SLC13A3: variants seen among roughly 807,000 people sequenced by gnomAD.
SLC13A3 encodes solute carrier family 13 member 3, also known as Na(+)/dicarboxylate cotransporter 3.
Under a neutral mutation model 59.0 loss-of-function variants are expected in SLC13A3, and 40 were observed. The ratio of observed to expected loss-of-function variants is 0.68; its 90% confidence interval spans 0.53 to 0.88. The LOEUF is 0.88. Among genes scored for constraint, SLC13A3 ranks in the 40% least tolerant of loss-of-function variants. SLC13A3 has a pLI of 0.00. For synonymous variants in SLC13A3, 317 were observed against 330.3 expected, an observed-to-expected ratio of 0.96 and a Z score of 0.44; for missense variants, 699 against 783.2, an observed-to-expected ratio of 0.89 and a Z score of 1.28.
chr20:46,661,870 T>C (rs544401741), intron 1 of SLC13A3, among the ~76,000 whole-genome samples: 4 of 152,328 alleles, frequency 2.6e-5, no homozygotes, highest in East Asian at 1.9e-4. Context: ...GAGTGTCTTA[T>C]ACTTAAGAGA....
chr20:46,648,583 T>C (rs975459805), intron 1 of SLC13A3, among the ~76,000 whole-genome samples: 2 of 152,004 alleles, frequency 1.3e-5, no homozygotes, highest in African/African-American at 4.8e-5. Flanking sequence ...GTGGTTTGTA[T>C]TGAATTATAA....
At chr20:46,683,297 A>C (rs999142409) in intron 1 of SLC13A3, among the ~76,000 whole-genome samples, 1 of 152,246 alleles carries the variant, frequency 6.6e-6, no homozygotes, top group African/African-American at 2.4e-5. Flanking sequence ...TAGATAAGGA[A>C]GCTGGAAGCT....
intron 1 of SLC13A3, among the ~76,000 whole-genome samples, chr20:46,641,253 G>C (rs1207236055): frequency 6.6e-6 from 1 of 152,172 alleles, no homozygotes; most frequent in East Asian, 1.9e-4. Context: ...ATCAGAACTT[G>C]TGTTCAAATC....
Position 46,559,251 on chromosome 20 carries a change from C to G in SLC13A3, c.*771G>C, listed in dbSNP as rs1450644197. 6.6e-6 allele frequency: 1 copy of G among 152,190 alleles called. No individual in the cohort carries two copies. Among genetic ancestry groups the G allele is most frequent in the Non-Finnish European group, 1.5e-5 (1 of 68,100 alleles). 9.4% of individuals were successfully genotyped at this position (152,190 alleles called of 1,614,324 possible). ...GGTCATGAGTCACCCCATGGGAGGG[C>G]AGGACCCAGGCCTGGCCTGACCCCA... On this transcript the variant is annotated 3_prime_UTR_variant, in exon 13 of 13. Coordinates refer to ENST00000279027, the MANE Select transcript of SLC13A3 (RefSeq NM_022829.6).
At chr20:46,655,004 C>T (rs1010071623), upstream of SLC13A3, among the ~76,000 whole-genome samples, 5 of 152,166 alleles carry the variant, frequency 3.3e-5, no homozygotes, top group African/African-American at 1.2e-4. Context: ...TTCTGGCCTC[C>T]ATGGTCTCTG....
At chr20:46,571,038 A>C (rs769333143) in intron 10 of SLC13A3, among the ~76,000 whole-genome samples, 20 of 152,202 alleles carry the variant, frequency 1.3e-4, no homozygotes, top group Admixed American at 7.9e-4. Context: ...AGTGGAAGCA[A>C]ACACGTCCTT....
chr20:46,589,246 C>T lies in SLC13A3; in HGVS notation c.930G>A (p.Arg310=). 6.2e-7 allele frequency: 1 copy of T among 1,614,150 alleles called. No individual in the cohort carries two copies. The highest frequency in any genetic ancestry group is 8.5e-7 in the Non-Finnish European group (1 of 1,179,986). ...TGGTTCTTATCTCAGATTTATTCTT[C>T]CTCCAGCCCCTGAAACAGAAAGTGG... is the stretch of plus-strand genomic sequence containing the variant. ...LYGGLSFRGW[R]KNKSEIRTNA... Residue 310 remains arginine, a synonymous_variant, in exon 7 of 13, where the codon AGG becomes AGA. Coordinates refer to ENST00000279027, the MANE Select transcript of SLC13A3 (RefSeq NM_022829.6).
intron 3 of SLC13A3, chr20:46,600,502 T>C (rs2062369705): frequency 3.5e-6 from 1 of 286,454 alleles, no homozygotes; most frequent in Non-Finnish European, 8.0e-6. Context: ...TGTCCTACCA[T>C]CCATATGTGA....
intron 9 of SLC13A3, among the ~76,000 whole-genome samples, chr20:46,577,511 C>T (rs371644176): frequency 6.6e-6 from 1 of 151,870 alleles, no homozygotes; most frequent in Non-Finnish European, 1.5e-5. Context: ...ACTTGCCCCA[C>T]GCAGCAGGTA....
At chr20:46,604,109 C>T (rs915127809) in intron 3 of SLC13A3, among the ~76,000 whole-genome samples, 15 of 152,114 alleles carry the variant, frequency 9.9e-5, no homozygotes, top group African/African-American at 3.6e-4. Context: ...GATTCTGACA[C>T]TCAGAGCCTG....
At chr20:46,608,476 A>C (rs2694897) in intron 3 of SLC13A3, among the ~76,000 whole-genome samples, 109,917 of 152,174 alleles carry the variant, frequency 0.72, 41,147 homozygotes, top group African/African-American at 0.92. Flanking sequence ...GCTTCTCTTC[A>C]CTTCCTCGTG....
At chr20:46,578,554 T>C (rs2062101737) in intron 9 of SLC13A3, among the ~76,000 whole-genome samples, 1 of 151,966 alleles carries the variant, frequency 6.6e-6, no homozygotes. Context: ...TGGGTGCCTA[T>C]AATCCCAGCT....
intron 1 of SLC13A3, among the ~76,000 whole-genome samples, chr20:46,615,366 G>A (rs1162638767): frequency 6.6e-6 from 1 of 152,058 alleles, no homozygotes; most frequent in Non-Finnish European, 1.5e-5. Context: ...TATCCTCAGC[G>A]AAACAGGACA....
chr20:46,665,133 G>A (rs186361864), intron 1 of SLC13A3, among the ~76,000 whole-genome samples: 1 of 152,038 alleles, frequency 6.6e-6, no homozygotes, highest in Non-Finnish European at 1.5e-5. Context: ...AAGCATGGTG[G>A]TGTGTGCCTG....
intron 7 of SLC13A3, 36 bp from the exon 8 acceptor site, chr20:46,588,199 G>A (rs778855411): frequency 3.6e-5 from 49 of 1,379,932 alleles, no homozygotes; most frequent in African/African-American, 8.5e-5. Flanking sequence ...TGGTGACCCC[G>A]GGTTTCAGGC....
chr20:46,607,212 A>G (rs1276756631), intron 3 of SLC13A3, among the ~76,000 whole-genome samples: 1 of 152,190 alleles, frequency 6.6e-6, no homozygotes, highest in Non-Finnish European at 1.5e-5. Context: ...TAATGAGTAT[A>G]AAAAAATTAG....
intron 1 of SLC13A3, among the ~76,000 whole-genome samples, chr20:46,677,703 A>C (rs2063134407): frequency 1.3e-5 from 2 of 152,178 alleles, no homozygotes; most frequent in South Asian, 4.1e-4. Flanking sequence ...GCTCTCAGGG[A>C]CAAGTAACAA....
chr20:46,586,790 C>A (rs1466446009), intron 8 of SLC13A3, among the ~76,000 whole-genome samples: 3 of 152,156 alleles, frequency 2.0e-5, no homozygotes, highest in East Asian at 3.9e-4. Context: ...CAAGCCATCC[C>A]CCAGACCAGG....
intron 1 of SLC13A3, among the ~76,000 whole-genome samples, chr20:46,667,326 T>C (rs1204485566): frequency 1.3e-5 from 2 of 152,176 alleles, no homozygotes; most frequent in Non-Finnish European, 2.9e-5. Context: ...TCAAAGGAAC[T>C]CTGGTCCATG....
Sources: allele counts gnomAD v4.1 joint callset (sites outside exome capture counted in the v4.1 genomes callset), GRCh38; gene constraint gnomAD v4.1.1; transcripts MANE v1.5; gene names NCBI Gene and HGNC (gene_info 2026-07-23, HGNC 2026-07-21).